Variants in CADM1 observed in about 807,000 individuals in gnomAD.
The protein encoded by CADM1 is TSLC-1.
A neutral mutation model predicts 53.1 loss-of-function variants in CADM1; 15 were observed. That is an observed-to-expected ratio of 0.28 (90% CI 0.19 to 0.44). The LOEUF (loss-of-function observed/expected upper bound fraction) is 0.44, where lower values mean the gene tolerates loss of function less well. CADM1 is among the 20% of genes least tolerant of loss of function. The pLI, the probability that CADM1 is intolerant of heterozygous loss-of-function variation, is 1.00. For missense variants in CADM1, 434 were observed against 611.3 expected, an observed-to-expected ratio of 0.71 and a Z score of 3.06; for synonymous variants, 281 against 243.0, an observed-to-expected ratio of 1.16 and a Z score of -1.45.
At chr11:115,255,443 A>G (rs1942754359) in intron 1 of CADM1, among the ~76,000 whole-genome samples, 1 of 152,184 alleles carries the variant, frequency 6.6e-6, no homozygotes, top group Non-Finnish European at 1.5e-5. Context: ...CTCACACGAG[A>G]CCTACTAAGT....
At chr11:115,289,593 CT>C (rs56766047) in intron 1 of CADM1, among the ~76,000 whole-genome samples, 22,628 of 106,730 alleles carry the variant, frequency 0.21, 782 homozygotes, top group African/African-American at 0.28. Flanking sequence ...CTTTTTTTTT[CT>C]TTTTTTTTTT....
chr11:115,413,481 T>A (rs965358471), intron 1 of CADM1, among the ~76,000 whole-genome samples: 4 of 152,156 alleles, frequency 2.6e-5, no homozygotes, highest in Non-Finnish European at 4.4e-5. Context: ...CTTTGTACAT[T>A]AAAATCTTGA....
intron 1 of CADM1, among the ~76,000 whole-genome samples, chr11:115,345,819 C>T (rs1206676851): frequency 6.6e-6 from 1 of 152,186 alleles, no homozygotes; most frequent in Non-Finnish European, 1.5e-5. Flanking sequence ...CTTGCTCTAC[C>T]TCCCAGATGC....
intron 8 of CADM1, among the ~76,000 whole-genome samples, chr11:115,206,421 G>A (rs1025533637): frequency 6.6e-6 from 1 of 152,150 alleles, no homozygotes; most frequent in African/African-American, 2.4e-5. Context: ...GATTCTGGGT[G>A]GGCAAAGCAG....
chr11:115,436,654 A>G (rs917751910), intron 1 of CADM1, among the ~76,000 whole-genome samples: 1 of 152,310 alleles, frequency 6.6e-6, no homozygotes, highest in South Asian at 2.1e-4. Flanking sequence ...AGCTATCAGG[A>G]GAATCAACTA....
intron 1 of CADM1, among the ~76,000 whole-genome samples, chr11:115,503,829 T>TG (rs1949789656): frequency 7.8e-6 from 1 of 128,360 alleles, no homozygotes; most frequent in African/African-American, 3.0e-5. Flanking sequence ...GATGGAGAAC[T>TG]GGGGGGGCCC....
At chr11:115,249,680 T>C (rs1378697524) in intron 1 of CADM1, among the ~76,000 whole-genome samples, 1 of 152,228 alleles carries the variant, frequency 6.6e-6, no homozygotes. Flanking sequence ...AGAAGAGATC[T>C]TAGTAGCCAA....
intron 1 of CADM1, among the ~76,000 whole-genome samples, chr11:115,329,592 T>G (rs969116704): frequency 7.9e-5 from 12 of 152,110 alleles, no homozygotes; most frequent in African/African-American, 2.9e-4. Context: ...CGTCTAGGGC[T>G]GGGTGCCCGT....
intron 1 of CADM1, among the ~76,000 whole-genome samples, chr11:115,321,961 T>C (rs955999306): frequency 1.3e-5 from 2 of 152,168 alleles, no homozygotes; most frequent in African/African-American, 4.8e-5. Flanking sequence ...GCATCATGCA[T>C]CATCCACATA....
intron 1 of CADM1, among the ~76,000 whole-genome samples, chr11:115,383,730 A>G (rs1173751103): frequency 6.6e-6 from 1 of 152,250 alleles, no homozygotes; most frequent in Non-Finnish European, 1.5e-5. Context: ...GGAATTTTAG[A>G]GAGTCTCTAA....
rs116522163 is a variant in CADM1 at position 115,411,076 on chromosome 11, T to C, written c.124+93195A>G. Among the ~76,000 whole-genome samples the C allele has an allele frequency of 6.4e-3, 976 of 152,372 alleles. 13 individuals are homozygous for C. The highest frequency in any genetic ancestry group is 0.022 in the African/African-American group (900 of 41,590). ...AATAAATCAGCATAGAGCCCAGCTC[T>C]GCCATGACTCTATGTAATTACACAT... On this transcript the variant is annotated intron_variant, in intron 1 of 11. Transcript: ENST00000331581.
chr11:115,267,674 C>T (rs1291001569), intron 1 of CADM1, among the ~76,000 whole-genome samples: 2 of 135,376 alleles, frequency 1.5e-5, no homozygotes, highest in Admixed American at 1.5e-4. Context: ...CCTAAAATTG[C>T]TTTCTTTTTT....
chr11:115,202,335 TTTAAAA>T (rs1940471907), intron 8 of CADM1, among the ~76,000 whole-genome samples: 1 of 152,082 alleles, frequency 6.6e-6, no homozygotes, highest in Admixed American at 6.5e-5. Flanking sequence ...AGACTGGGGG[TTTAAAA>T]CTAATCCATA....
chr11:115,476,653 T>C (rs1949138784), intron 1 of CADM1, among the ~76,000 whole-genome samples: 2 of 152,168 alleles, frequency 1.3e-5, no homozygotes, highest in African/African-American at 4.8e-5. Context: ...CATCACCGGA[T>C]ACACAAACAG....
At chr11:115,348,931 G>A (rs891774353) in intron 1 of CADM1, among the ~76,000 whole-genome samples, 5 of 152,114 alleles carry the variant, frequency 3.3e-5, no homozygotes, top group African/African-American at 1.2e-4. Context: ...TGTATTTATT[G>A]TCACTGGTAG....
intron 1 of CADM1, among the ~76,000 whole-genome samples, chr11:115,441,053 T>C (rs1053353724): frequency 2.6e-5 from 4 of 152,082 alleles, no homozygotes; most frequent in East Asian, 1.9e-4. Context: ...CAGAAACCTA[T>C]GTCAAGTTTA....
intron 1 of CADM1, among the ~76,000 whole-genome samples, chr11:115,480,283 C>T (rs930347252): frequency 3.3e-5 from 5 of 152,030 alleles, no homozygotes; most frequent in Admixed American, 2.0e-4. Flanking sequence ...TCCCAGTGTA[C>T]AAAATGGGAA....
intron 4 of CADM1, 127 bp downstream of exon 4, chr11:115,231,226 A>T: frequency 9.4e-7 from 1 of 1,067,938 alleles, no homozygotes; most frequent in Non-Finnish European, 1.5e-6. Flanking sequence ...TTAGTAACTG[A>T]TTATAAACCA....
chr11:115,461,048 T>A (rs1200490051), intron 1 of CADM1, among the ~76,000 whole-genome samples: 1 of 152,074 alleles, frequency 6.6e-6, no homozygotes, highest in African/African-American at 2.4e-5. Context: ...AGTGTAGGCA[T>A]TCATTCATTC....
Sources: allele counts gnomAD v4.1 joint callset (sites outside exome capture counted in the v4.1 genomes callset), GRCh38; gene constraint gnomAD v4.1.1; transcripts MANE v1.5; gene names NCBI Gene and HGNC (gene_info 2026-07-23, HGNC 2026-07-21).